CEP41: variants seen among roughly 807,000 people sequenced by gnomAD.
CEP41 encodes the protein centrosomal protein of 41 kDa.
CEP41 carries 32 observed loss-of-function variants against 44.3 expected under a neutral mutation model. The observed-to-expected ratio is 0.72, with a 90% CI of 0.54 to 0.97. The LOEUF is 0.97. Among genes scored for constraint, CEP41 ranks in the 50% least tolerant of loss-of-function variants. The pLI, the probability that CEP41 is intolerant of heterozygous loss-of-function variation, is 0.00. For missense variants in CEP41, 432 were observed against 455.2 expected, an observed-to-expected ratio of 0.95 and a Z score of 0.46; for synonymous variants, 151 against 168.5, an observed-to-expected ratio of 0.90 and a Z score of 0.80.
At chr7:130,411,290 A>T in intron 4 of CEP41, 99 bp from the exon 5 acceptor site, 4 of 962,398 alleles carry the variant, frequency 4.2e-6, no homozygotes, top group Non-Finnish European at 6.6e-6. Context: ...AACATCAAAG[A>T]TCTGTTGTTT....
At position 130,396,168 on chromosome 7, in the gene CEP41, C is replaced by T. The variant is rs1796652119; in HGVS notation, c.*2723G>A. The T allele has an allele frequency of 2.2e-6, 1 of 453,996 alleles. No homozygotes were observed. Among genetic ancestry groups the T allele is most frequent in the East Asian group, 6.9e-5 (1 of 14,390 alleles). 28.1% of individuals were successfully genotyped at this position (453,996 alleles called of 1,614,324 possible). On this transcript the variant is annotated 3_prime_UTR_variant, in exon 11 of 11. Coordinates refer to ENST00000223208, the MANE Select transcript of CEP41 (RefSeq NM_018718.3). ...ATTTAAGGTATTATTTAAACTTTGG[C>T]CATCACTGCTGTTCAGGGTGCTGTA...
Position 130,404,664 on chromosome 7 carries a change from T to C in CEP41, c.322A>G (p.Arg108Gly). Residue 108 changes from arginine (R) to glycine (G), a missense_variant, in exon 6 of 11, where the codon AGG becomes GGG. Transcript: ENST00000223208. ...ASDPDAETTA[R>G]TNGKGNPGEQ... ...CCTGGATTTCCTTTCCCATTGGTCC[T>C]GGCAGTGGTTTCAGCATCAGGGTCT... 6.2e-7 allele frequency: 1 copy of C among 1,612,670 alleles called. No homozygotes were observed. Among genetic ancestry groups the C allele is most frequent in the South Asian group, 1.1e-5 (1 of 91,058 alleles).
chr7:130,407,115 A>T (rs1554418360), intron 5 of CEP41, among the ~76,000 whole-genome samples: 1 of 152,106 alleles, frequency 6.6e-6, no homozygotes, highest in Non-Finnish European at 1.5e-5. Flanking sequence ...CAATGAAGAG[A>T]GTGACACACT....
intron 3 of CEP41, among the ~76,000 whole-genome samples, chr7:130,413,211 G>C (rs1370445570): frequency 2.0e-5 from 3 of 151,926 alleles, no homozygotes; most frequent in Non-Finnish European, 4.4e-5. Context: ...GGCTGGTTTC[G>C]AGCTCCTGGC....
rs1374349759 is a variant in CEP41 at position 130,399,002 on chromosome 7, G to A, written c.1011C>T (p.Ser337=). The A allele has an allele frequency of 6.2e-7, 1 of 1,614,070 alleles. No individual in the cohort carries two copies. The highest frequency in any genetic ancestry group is 1.3e-5 in the African/African-American group (1 of 74,942). Reference sequence around the variant, plus strand: ...GAGCGCTTCGGGCACCAGGCACCTTGGACTCTCTTCCGGAGGAGTTAGCTT... The same window carrying A: ...GAGCGCTTCGGGCACCAGGCACCTTAGACTCTCTTCCGGAGGAGTTAGCTT... ...LNQANSSGRE[S]KVPGARSAQN... The change falls in exon 11 of 11, where the codon TCC becomes TCT. Residue 337 remains serine (S), a synonymous_variant. Coordinates refer to ENST00000223208, the MANE Select transcript of CEP41 (RefSeq NM_018718.3).
intron 5 of CEP41, among the ~76,000 whole-genome samples, chr7:130,406,137 A>G (rs1445001764): frequency 6.6e-6 from 1 of 152,184 alleles, no homozygotes; most frequent in South Asian, 2.1e-4. Context: ...TTCAGTTCCC[A>G]GTTTAAATTT....
At chr7:130,420,432 C>G (rs1554421959) in intron 2 of CEP41, 1 of 150,694 alleles carries the variant, frequency 6.6e-6, no homozygotes, top group Non-Finnish European at 1.5e-5. Flanking sequence ...GCCAGGAGTT[C>G]AAGACCACCC....
Position 130,394,119 on chromosome 7 carries a change from C to T in CEP41, c.*4772G>A, listed in dbSNP as rs1796595234. 2.2e-6 allele frequency: 1 copy of T among 453,960 alleles called. No individual in the cohort carries two copies. The highest frequency in any genetic ancestry group is 4.4e-6 in the Non-Finnish European group (1 of 226,796). The allele number at this position is 453,960 out of a possible 1,614,324, so 28.1% of individuals were successfully genotyped here. A position where few individuals can be genotyped will look rare whatever the true frequency, so the allele number is the denominator to read the frequency against. On this transcript the variant is annotated 3_prime_UTR_variant, in exon 11 of 11. Coordinates refer to ENST00000223208, the MANE Select transcript of CEP41 (RefSeq NM_018718.3). Reference sequence around the variant, plus strand: ...AATAGCGAAGGGAAAGGTACATTTTCACGGTAAGTTAGAGGCATCACCAAA... The same window carrying T: ...AATAGCGAAGGGAAAGGTACATTTTTACGGTAAGTTAGAGGCATCACCAAA...
chr7:130,436,900 G>C (rs536366860), intron 1 of CEP41, among the ~76,000 whole-genome samples: 3 of 152,062 alleles, frequency 2.0e-5, no homozygotes, highest in African/African-American at 7.2e-5. Flanking sequence ...TTAGCTGGGC[G>C]TGGTGGCAGG....
At chr7:130,441,071 C>G (rs1432910401), upstream of CEP41, 1 of 1,303,558 alleles carries the variant, frequency 7.7e-7, no homozygotes, top group African/African-American at 1.4e-5. Context: ...ATACCCTCTT[C>G]TCCGATTGGC....
rs1186954544 is a variant in CEP41, at chr7:130,397,752, G to C, written c.*1139C>G. On this transcript the variant is annotated 3_prime_UTR_variant, in exon 11 of 11. Transcript: ENST00000223208. ...TCCTCATCCTTACCTGAGGCCTTTT[G>C]TTCCCCCAATTAAATGGAATGAATG... 4.4e-6 allele frequency: 2 copies of C among 450,400 alleles called. No individual in the cohort carries two copies. Among genetic ancestry groups the C allele is most frequent in the Non-Finnish European group, 8.9e-6 (2 of 224,504 alleles). The allele number at this position is 450,400 out of a possible 1,614,324, so 27.9% of individuals were successfully genotyped here.
chr7:130,398,238 A>T lies in CEP41; in HGVS notation c.*653T>A, dbSNP rs1796729431. The stretch of plus-strand genomic sequence containing the variant: ...TTTCTGGCTCCAGGAAATATCTAGT[A>T]AGGGGGAGCATTCAGTGAGTGTACA... On this transcript the variant is annotated 3_prime_UTR_variant, in exon 11 of 11. Coordinates refer to ENST00000223208, the MANE Select transcript of CEP41 (RefSeq NM_018718.3). 1 of 454,020 alleles carries T rather than the reference A, an allele frequency of 2.2e-6. No homozygotes were observed. The highest frequency in any genetic ancestry group is 2.3e-5 in the Admixed American group (1 of 42,564). 28.1% of individuals were successfully genotyped at this position (454,020 alleles called of 1,614,324 possible).
intron 5 of CEP41, among the ~76,000 whole-genome samples, chr7:130,410,181 G>A (rs1398615251): frequency 3.3e-5 from 5 of 151,622 alleles, no homozygotes; most frequent in African/African-American, 9.7e-5. Context: ...GCACACCACC[G>A]TGCCTGGCTA....
At chr7:130,437,650 G>A (rs1798007001) in intron 1 of CEP41, among the ~76,000 whole-genome samples, 1 of 151,040 alleles carries the variant, frequency 6.6e-6, no homozygotes, top group South Asian at 2.1e-4. Flanking sequence ...ACACACACCT[G>A]TGGTCCCAGC....
chr7:130,440,776 AGCCC>A, intron 1 of CEP41, 154 bp downstream of exon 1: 17 of 567,104 alleles, frequency 3.0e-5, no homozygotes, highest in South Asian at 4.9e-5. Context: ...GCGGCCCCCA[AGCCC>A]GGCCCGCCCC....
In CEP41 at chr7:130,410,262, C is replaced by T. The variant is rs375879698; in HGVS notation, c.277+860G>A. On this transcript the variant is annotated intron_variant, in intron 5 of 10. Transcript: ENST00000223208. ...CAGGCTGGTCTTGAACTCCTGACCT[C>T]GTGATCTGCCCGCCTTGGCCTCCCA... Among the ~76,000 whole-genome samples, 18 of 152,028 alleles carry T rather than the reference C, an allele frequency of 1.2e-4. No homozygotes were observed. The East Asian group carries it at 1.7e-3, about 15-fold the overall frequency.
chr7:130,441,027 T>G (rs1224451725), upstream of CEP41: 1 of 1,569,578 alleles, frequency 6.4e-7, no homozygotes, highest in Non-Finnish European at 8.7e-7. Flanking sequence ...AACCCTAGCT[T>G]CCTACCCCCA....
intron 1 of CEP41, among the ~76,000 whole-genome samples, chr7:130,437,525 G>A (rs1240041869): frequency 6.6e-6 from 1 of 151,782 alleles, no homozygotes; most frequent in Non-Finnish European, 1.5e-5. Context: ...TGTAATCCTA[G>A]CACTTTGGGA....
At chr7:130,415,994 T>C (rs963328796) in intron 3 of CEP41, among the ~76,000 whole-genome samples, 9 of 152,230 alleles carry the variant, frequency 5.9e-5, no homozygotes, top group African/African-American at 2.2e-4. Context: ...AAGCAGCTCC[T>C]GAGTCCACAT....
Sources: gnomAD v4.1 joint callset for allele counts (sites outside exome capture counted in the v4.1 genomes callset) on GRCh38, gnomAD v4.1.1 for gene constraint, MANE v1.5 for transcripts, NCBI Gene and HGNC (gene_info 2026-07-23, HGNC 2026-07-21) for gene names.